KMT2C: variants seen among roughly 807,000 people sequenced by gnomAD.
KMT2C encodes the protein lysine methyltransferase 2C, also known as histone-lysine N-methyltransferase 2C.
A neutral mutation model predicts 507.9 loss-of-function variants in KMT2C; 88 were observed. The ratio of observed to expected loss-of-function variants is 0.17; its 90% CI spans 0.15 to 0.21. The LOEUF is 0.21. KMT2C is among the 10% of genes least tolerant of loss of function. KMT2C has a pLI of 1.00. For missense variants in KMT2C, 4,954 were observed against 5,957.8 expected, an observed-to-expected ratio of 0.83 and a Z score of 5.55; for synonymous variants, 2,049 against 2,080.8, an observed-to-expected ratio of 0.98 and a Z score of 0.42.
chr7:152,171,629 A>C (rs2129108885), intron 39 of KMT2C, among the ~76,000 whole-genome samples: 1 of 152,296 alleles, frequency 6.6e-6, no homozygotes, highest in African/African-American at 2.4e-5. Context: ...CTGCAATAAG[A>C]AGCCAGCTAG....
chr7:152,245,960 C>T (rs1356806120), intron 14 of KMT2C, among the ~76,000 whole-genome samples: 5 of 152,108 alleles, frequency 3.3e-5, no homozygotes, highest in South Asian at 4.1e-4. Flanking sequence ...CAATCCCCAA[C>T]GTGAAGAATA....
intron 6 of KMT2C, among the ~76,000 whole-genome samples, chr7:152,289,294 C>T (rs112470098): frequency 6.6e-6 from 1 of 152,130 alleles, no homozygotes; most frequent in Admixed American, 6.5e-5. Context: ...TCTCAATTGG[C>T]ACTACAACTA....
chr7:152,428,371 G>C (rs1245337258), intron 1 of KMT2C, among the ~76,000 whole-genome samples: 1 of 150,558 alleles, frequency 6.6e-6, no homozygotes, highest in African/African-American at 2.4e-5. Context: ...CCATCATTTT[G>C]GGAGGCTGAG....
chr7:152,160,279 A>T (rs1449564092), intron 43 of KMT2C, among the ~76,000 whole-genome samples: 2 of 152,152 alleles, frequency 1.3e-5, no homozygotes, highest in Non-Finnish European at 2.9e-5. Flanking sequence ...AGGGGTCTCC[A>T]GGGCGGCAGC....
intron 2 of KMT2C, among the ~76,000 whole-genome samples, chr7:152,332,018 A>G (rs2096889215): frequency 6.6e-6 from 1 of 152,176 alleles, no homozygotes; most frequent in Admixed American, 6.5e-5. Context: ...GTGACTCATT[A>G]AAAATTGCTT....
intron 6 of KMT2C, among the ~76,000 whole-genome samples, chr7:152,307,151 C>A (rs1434119961): frequency 6.9e-6 from 1 of 144,388 alleles, no homozygotes; most frequent in Non-Finnish European, 1.5e-5. Flanking sequence ...GGGTGAGACC[C>A]TGGAAATAAG....
chr7:152,275,169 T>C (rs2096059239), intron 6 of KMT2C, among the ~76,000 whole-genome samples: 1 of 152,212 alleles, frequency 6.6e-6, no homozygotes, highest in Non-Finnish European at 1.5e-5. Flanking sequence ...TCTTCCTCAC[T>C]GTCATCAGTC....
In KMT2C at chr7:152,150,995, T is replaced by C. The variant is rs2091570374; in HGVS notation, c.12679A>G (p.Ser4227Gly). 1.9e-6 allele frequency: 3 copies of C among 1,605,478 alleles called. No individual in the cohort carries two copies. Among genetic ancestry groups the C allele is most frequent in the African/African-American group, 1.3e-5 (1 of 74,574 alleles). The change falls in exon 51 of 59, where the codon AGC becomes GGC. Residue 4227 changes from serine (S) to glycine (G), a missense_variant. By Grantham distance (56) the Ser-to-Gly change is moderately conservative (BLOSUM62 0). Transcript: ENST00000262189. ...LTLLNKDSRE[S>G]TKRVEKDIVF... Reference sequence around the variant, plus strand: ...ATGTCCTTCTCTACCCTCTTGGTGCTTTCTCGGGAATCCTGAAAAGCAAAG... The same window carrying C: ...ATGTCCTTCTCTACCCTCTTGGTGCCTTCTCGGGAATCCTGAAAAGCAAAG...
Position 152,253,921 on chromosome 7 carries a change from T to C in KMT2C, c.1300-1206A>G, listed in dbSNP as rs6948919. ...TCAGCCTTAAAACCCTGGGTATCCC[T>C]GGGTGTAAGGTTAATACATTGTGGG... On this transcript the variant is annotated intron_variant, in intron 9 of 58. Coordinates refer to ENST00000262189, the MANE Select transcript of KMT2C (RefSeq NM_170606.3). Among the ~76,000 whole-genome samples the C allele has an allele frequency of 7.8e-3, 1,182 of 152,254 alleles. 20 individuals are homozygous for C. The highest frequency in any genetic ancestry group is 0.027 in the African/African-American group (1,141 of 41,542).
chr7:152,254,691 C>T (rs1189973192), intron 9 of KMT2C, among the ~76,000 whole-genome samples: 1 of 152,108 alleles, frequency 6.6e-6, no homozygotes, highest in Admixed American at 6.6e-5. Context: ...CTATTATCTC[C>T]ACTACTATTT....
At chr7:152,151,292 G>A (rs1272267514) in intron 50 of KMT2C, 150 bp downstream of exon 50, 1 of 771,586 alleles carries the variant, frequency 1.3e-6, no homozygotes, top group East Asian at 2.7e-5. Flanking sequence ...TTCAGCCCAA[G>A]CACATCTGAT....
chr7:152,264,100 C>G (rs758833461), intron 8 of KMT2C, among the ~76,000 whole-genome samples: 22 of 152,280 alleles, frequency 1.4e-4, no homozygotes, highest in Non-Finnish European at 2.8e-4. Context: ...TTCTTTTAAT[C>G]CTTCCCAAGA....
intron 1 of KMT2C, among the ~76,000 whole-genome samples, chr7:152,433,852 CGTGTGA>C (rs1231761968): frequency 1.8e-4 from 28 of 152,376 alleles, no homozygotes; most frequent in East Asian, 1.3e-3. Flanking sequence ...TGTGCGCGTG[CGTGTGA>C]GTGTGCGCGT....
chr7:152,149,751 A>C (rs1382829537), intron 51 of KMT2C, among the ~76,000 whole-genome samples: 1 of 152,146 alleles, frequency 6.6e-6, no homozygotes, highest in Non-Finnish European at 1.5e-5. Flanking sequence ...CTGAGGGGAA[A>C]TCTCCAATAG....
At chr7:152,296,995 GAAAA>G (rs756795851) in intron 6 of KMT2C, among the ~76,000 whole-genome samples, 64 of 30,556 alleles carry the variant, frequency 2.1e-3, no homozygotes, top group African/African-American at 5.7e-3. Flanking sequence ...AAGAAAGAAA[GAAAA>G]AGAAAGAAAG....
At chr7:152,234,065 G>T (rs1211643527) in intron 16 of KMT2C, among the ~76,000 whole-genome samples, 1 of 152,100 alleles carries the variant, frequency 6.6e-6, no homozygotes, top group Admixed American at 6.5e-5. Flanking sequence ...AACCTGGGAG[G>T]TGGAGGCTGT....
chr7:152,251,204 T>C (rs1303481754), intron 11 of KMT2C, among the ~76,000 whole-genome samples: 1 of 152,186 alleles, frequency 6.6e-6, no homozygotes, highest in African/African-American at 2.4e-5. Flanking sequence ...CCTAACACTT[T>C]GGGAGGCCAA....
chr7:152,251,920 A>G lies in KMT2C; in HGVS notation c.1621+19T>C. ...TTACAAAAACAAAAAATTTAAAAAA[A>G]AATCATTCTCAAATTTACCTGTAGT... On this transcript the variant is annotated intron_variant, in intron 11 of 58. Transcript: ENST00000262189. 3 of 1,556,648 alleles carry G rather than the reference A, an allele frequency of 1.9e-6. No homozygotes were observed. The highest frequency in any genetic ancestry group is 2.6e-6 in the Non-Finnish European group (3 of 1,151,030).
At chr7:152,340,700 CTT>C (rs2096983372) in intron 2 of KMT2C, among the ~76,000 whole-genome samples, 1 of 152,122 alleles carries the variant, frequency 6.6e-6, no homozygotes, top group African/African-American at 2.4e-5. Context: ...AGAGTTAACA[CTT>C]TTACAGGTGA....
Sources: gnomAD v4.1 joint callset for allele counts (sites outside exome capture counted in the v4.1 genomes callset) on GRCh38, gnomAD v4.1.1 for gene constraint, MANE v1.5 for transcripts, NCBI Gene and HGNC (gene_info 2026-07-23, HGNC 2026-07-21) for gene names.